CSMD1: variants seen among roughly 807,000 people sequenced by gnomAD.
The protein encoded by CSMD1 is CUB and sushi domain-containing protein 1.
A neutral mutation model predicts 417.5 loss-of-function variants in CSMD1; 213 were observed. The observed-to-expected ratio is 0.51, with a 90% CI of 0.46 to 0.57. The LOEUF is 0.57. Ranked by LOEUF, CSMD1 falls within the 20% of genes least tolerant of loss-of-function variation. The pLI, the probability that CSMD1 is intolerant of heterozygous loss-of-function variation, is 0.00. For missense variants in CSMD1, 6,923 were observed against 4,529.7 expected (o/e 1.53, Z -15.17); for synonymous variants, 2,862 against 1,736.8 (o/e 1.65, Z -16.11).
chr8:3,233,276 A>G lies in CSMD1; in HGVS notation c.4154-3045T>C, dbSNP rs1212946115. ...TAGTGGATTAACGGATTTATGGGCT[A>G]TCACAGGAGGGGAATTGGTGACTTT... is the stretch of plus-strand genomic sequence containing the variant. On this transcript the variant is annotated intron_variant, in intron 26 of 69. Transcript: ENST00000635120. 3.3e-5 allele frequency among the ~76,000 whole-genome samples: 5 copies of G among 152,276 alleles called. No homozygotes were observed. In the East Asian group the frequency reaches 7.7e-4, roughly 24 times the overall value.
At chr8:4,401,360 C>T (rs1359970475) in intron 3 of CSMD1, among the ~76,000 whole-genome samples, 7 of 152,138 alleles carry the variant, frequency 4.6e-5, no homozygotes, top group South Asian at 2.1e-4. Context: ...ATTGTTATTA[C>T]ATTTTATTCA....
chr8:3,007,247 T>G (rs1040719219), intron 52 of CSMD1, among the ~76,000 whole-genome samples: 1 of 150,894 alleles, frequency 6.6e-6, no homozygotes, highest in Non-Finnish European at 1.5e-5. Flanking sequence ...CCAGTTAGAA[T>G]GGCGATCATT....
At chr8:4,906,793 C>T (rs1358581528) in intron 1 of CSMD1, among the ~76,000 whole-genome samples, 1 of 152,170 alleles carries the variant, frequency 6.6e-6, no homozygotes, top group African/African-American at 2.4e-5. Context: ...CTCTTGACCT[C>T]GTGATCTGCC....
chr8:4,479,037 G>A (rs1012949031), intron 2 of CSMD1, among the ~76,000 whole-genome samples: 1 of 152,148 alleles, frequency 6.6e-6, no homozygotes, highest in Non-Finnish European at 1.5e-5. Context: ...AGATAACACA[G>A]AGTATGGCAG....
intron 1 of CSMD1, among the ~76,000 whole-genome samples, chr8:4,990,252 T>G (rs1811391569): frequency 6.6e-6 from 1 of 152,216 alleles, no homozygotes; most frequent in Non-Finnish European, 1.5e-5. Flanking sequence ...AGCTTTCCGC[T>G]GAACAGTTCT....
In CSMD1 at chr8:3,106,599, A is replaced by T. The variant is rs767707754; in HGVS notation, c.6878T>A (p.Val2293Glu). 1 of 1,613,778 alleles carries T rather than the reference A, an allele frequency of 6.2e-7. No individual in the cohort carries two copies. The highest frequency in any genetic ancestry group is 8.5e-7 in the Non-Finnish European group (1 of 1,179,780). The part of the protein sequence containing the change: ...KYQCHPGYTL[V>E]GTDILTCKLS... Reference sequence around the variant, plus strand: ...CTTGCAAGTCAGAATGTCGGTCCCCACCAAGGTGTACCCGGGGTGGCACTG... The same window carrying T: ...CTTGCAAGTCAGAATGTCGGTCCCCTCCAAGGTGTACCCGGGGTGGCACTG... Residue 2293 changes from valine (V) to glutamate (E), a missense_variant, in exon 46 of 70, where the codon GTG (valine) becomes GAG (glutamate). Physicochemically the swap from Val to Glu is moderately radical, Grantham distance 121 (BLOSUM62 -2). Coordinates refer to ENST00000635120, the MANE Select transcript of CSMD1 (RefSeq NM_033225.6).
intron 4 of CSMD1, among the ~76,000 whole-genome samples, chr8:4,007,735 T>C (rs1438014101): frequency 2.6e-5 from 4 of 152,166 alleles, no homozygotes; most frequent in East Asian, 1.9e-4. Flanking sequence ...CCTACAGTTA[T>C]ATCAGTTGCA....
chr8:3,595,585 C>G (rs1041622067), intron 8 of CSMD1, among the ~76,000 whole-genome samples: 7 of 152,102 alleles, frequency 4.6e-5, no homozygotes, highest in African/African-American at 1.7e-4. Context: ...TAATGACAAT[C>G]AAAATATAGG....
intron 25 of CSMD1, among the ~76,000 whole-genome samples, chr8:3,292,561 G>T (rs745373712): frequency 6.6e-6 from 1 of 152,162 alleles, no homozygotes; most frequent in Non-Finnish European, 1.5e-5. Context: ...TTGTTGAATT[G>T]ATCCCTTTAC....
chr8:4,292,271 G>C (rs564842693), intron 3 of CSMD1, among the ~76,000 whole-genome samples: 3 of 151,608 alleles, frequency 2.0e-5, no homozygotes, highest in South Asian at 4.2e-4. Flanking sequence ...GTTTTGTTTT[G>C]AGACAGAGTC....
intron 54 of CSMD1, among the ~76,000 whole-genome samples, chr8:2,985,866 G>A (rs975133765): frequency 6.8e-6 from 1 of 147,062 alleles, no homozygotes; most frequent in Non-Finnish European, 1.5e-5. Context: ...AGTGGCTTCT[G>A]AACTGCTCCT....
chr8:4,873,305 C>A (rs1449348674), intron 1 of CSMD1, among the ~76,000 whole-genome samples: 1 of 152,090 alleles, frequency 6.6e-6, no homozygotes, highest in East Asian at 1.9e-4. Context: ...TTAAAATTCA[C>A]ATTCGTAGAC....
At chr8:3,203,004 C>A (rs1392590116) in intron 31 of CSMD1, among the ~76,000 whole-genome samples, 2 of 152,132 alleles carry the variant, frequency 1.3e-5, no homozygotes, top group African/African-American at 2.4e-5. Flanking sequence ...CACCCACCAC[C>A]TCCCCAAGTT....
rs1479170771 is a variant in CSMD1, at chr8:4,678,357, G to C, written c.86-40799C>G. ...ACCCAAGAGGTGGAGGTTGCAGTGA[G>C]CCAAGATCATGTGACTGCATTCCAG... On this transcript the variant is annotated intron_variant, in intron 1 of 69. Coordinates refer to ENST00000635120, the MANE Select transcript of CSMD1 (RefSeq NM_033225.6). Among the ~76,000 whole-genome samples the C allele has an allele frequency of 3.9e-5, 6 of 152,206 alleles. 1 individual carries two copies. Among genetic ancestry groups the C allele is most frequent in the South Asian group, 2.1e-4 (1 of 4,816 alleles).
chr8:3,388,081 T>C (rs1449776104), intron 17 of CSMD1, among the ~76,000 whole-genome samples: 1 of 152,216 alleles, frequency 6.6e-6, no homozygotes, highest in Non-Finnish European at 1.5e-5. Context: ...TACTTCTATA[T>C]TTATATATTC....
At chr8:3,697,812 C>CT (rs1365042535) in intron 7 of CSMD1, among the ~76,000 whole-genome samples, 2 of 152,070 alleles carry the variant, frequency 1.3e-5, no homozygotes, top group Non-Finnish European at 2.9e-5. Flanking sequence ...TTTATACTTC[C>CT]TTTTTTAGGT....
At chr8:3,924,152 C>A (rs1809476101) in intron 5 of CSMD1, among the ~76,000 whole-genome samples, 1 of 152,176 alleles carries the variant, frequency 6.6e-6, no homozygotes, top group Admixed American at 6.5e-5. Context: ...AGGACAGTTT[C>A]TCTGAGTATA....
chr8:3,607,170 T>A (rs1280175882), intron 8 of CSMD1, among the ~76,000 whole-genome samples: 2 of 152,178 alleles, frequency 1.3e-5, no homozygotes, highest in African/African-American at 4.8e-5. Context: ...TGTTATAAAC[T>A]AAAACATGAA....
At chr8:4,447,471 G>A (rs888162652) in intron 2 of CSMD1, among the ~76,000 whole-genome samples, 7 of 152,172 alleles carry the variant, frequency 4.6e-5, no homozygotes, top group African/African-American at 1.2e-4. Context: ...TTCATAGACA[G>A]TAAACAAAAT....
Sources: gnomAD v4.1 joint callset for allele counts (sites outside exome capture counted in the v4.1 genomes callset) on GRCh38, gnomAD v4.1.1 for gene constraint, MANE v1.5 for transcripts, NCBI Gene and HGNC (gene_info 2026-07-23, HGNC 2026-07-21) for gene names.